PVT1: variants seen among roughly 807,000 people sequenced by gnomAD.
PVT1 encodes the protein Pvt1 oncogene, also known as CXCR4/PVT1 fusion.
At chr8:127,983,197 A>C (rs1816904808) in intron 3 of PVT1, among the ~76,000 whole-genome samples, 1 of 152,090 alleles carries the variant, frequency 6.6e-6, no homozygotes, top group African/African-American at 2.4e-5. Context: ...GATGGCTCGG[A>C]TGTGGCCTAA....
At chr8:128,014,262 G>A (rs954227860) in intron 4 of PVT1, among the ~76,000 whole-genome samples, 1 of 151,654 alleles carries the variant, frequency 6.6e-6, no homozygotes, top group East Asian at 1.9e-4. Flanking sequence ...GCTTTTCTCT[G>A]TGGATTTATC....
At chr8:127,930,122 T>TA (rs1404909261) in intron 3 of PVT1, among the ~76,000 whole-genome samples, 1 of 151,970 alleles carries the variant, frequency 6.6e-6, no homozygotes, top group Non-Finnish European at 1.5e-5. Context: ...TAACAATAAT[T>TA]AAAAAAAACC....
At chr8:127,981,327 A>C (rs1028032407) in intron 3 of PVT1, among the ~76,000 whole-genome samples, 1 of 152,198 alleles carries the variant, frequency 6.6e-6, no homozygotes, top group Non-Finnish European at 1.5e-5. Flanking sequence ...GGTGCAGGGC[A>C]TGTGACCATG....
intron 4 of PVT1, among the ~76,000 whole-genome samples, chr8:128,054,825 GTT>G (rs1039900613): frequency 1.1e-4 from 17 of 152,222 alleles, no homozygotes; most frequent in African/African-American, 4.1e-4. Flanking sequence ...ACCTTGGGTA[GTT>G]ACCCAGGTTT....
chr8:127,944,779 T>G (rs1816399427), intron 3 of PVT1, among the ~76,000 whole-genome samples: 1 of 152,088 alleles, frequency 6.6e-6, no homozygotes, highest in African/African-American at 2.4e-5. Context: ...TAAGACCAAT[T>G]TGGTAACTTG....
chr8:127,928,556 C>T (rs562793396), intron 3 of PVT1, among the ~76,000 whole-genome samples: 6 of 152,298 alleles, frequency 3.9e-5, no homozygotes, highest in Non-Finnish European at 7.3e-5. Context: ...AAATTGGGAC[C>T]TAAGCTCGAT....
At chr8:127,995,223 G>C (rs1321251587) in intron 4 of PVT1, among the ~76,000 whole-genome samples, 2 of 152,170 alleles carry the variant, frequency 1.3e-5, no homozygotes, top group Non-Finnish European at 2.9e-5. Context: ...CCTGAATCAA[G>C]TGACTGTAAG....
At chr8:127,904,620 A>G (rs113213308) in intron 3 of PVT1, among the ~76,000 whole-genome samples, 3 of 152,264 alleles carry the variant, frequency 2.0e-5, no homozygotes, top group African/African-American at 7.2e-5. Context: ...GCCCTCCGTT[A>G]GGGGGATGGC....
At chr8:128,002,148 T>A (rs1309903992) in intron 4 of PVT1, among the ~76,000 whole-genome samples, 1 of 152,180 alleles carries the variant, frequency 6.6e-6, no homozygotes, top group Non-Finnish European at 1.5e-5. Flanking sequence ...TCCTCAGGAA[T>A]CCTTGCTGAT....
chr8:127,954,406 G>A (rs564290745), intron 3 of PVT1, among the ~76,000 whole-genome samples: 4 of 148,914 alleles, frequency 2.7e-5, no homozygotes, highest in South Asian at 4.2e-4. Flanking sequence ...GCGATTTTCC[G>A]GCCTCAGCCT....
intron 5 of PVT1, among the ~76,000 whole-genome samples, chr8:128,084,575 G>A (rs1438581761): frequency 2.6e-5 from 4 of 152,158 alleles, no homozygotes; most frequent in African/African-American, 4.8e-5. Context: ...ATGAGGTATC[G>A]TTTTGTTCAT....
At chr8:128,046,712 T>A (rs1813618062) in intron 4 of PVT1, among the ~76,000 whole-genome samples, 1 of 152,254 alleles carries the variant, frequency 6.6e-6, no homozygotes, top group African/African-American at 2.4e-5. Context: ...CACACTGCTC[T>A]GTGAGTACCA....
chr8:127,930,239 C>G (rs868051375), intron 3 of PVT1, among the ~76,000 whole-genome samples: 3 of 152,276 alleles, frequency 2.0e-5, no homozygotes, highest in Middle Eastern at 3.4e-3. Flanking sequence ...TCACTACAAC[C>G]CTCAACTCCT....
chr8:127,876,634 G>T (rs183168692), intron 2 of PVT1, among the ~76,000 whole-genome samples: 13 of 152,106 alleles, frequency 8.5e-5, no homozygotes, highest in Non-Finnish European at 1.6e-4. Flanking sequence ...GGCCCCTCCA[G>T]TTCTGAAGGG....
chr8:127,894,985 A>G (rs141840828), intron 3 of PVT1, among the ~76,000 whole-genome samples: 10 of 152,384 alleles, frequency 6.6e-5, no homozygotes, highest in African/African-American at 2.4e-4. Flanking sequence ...TTACAATCCT[A>G]TAATTTGGCT....
rs535400530 is a variant in PVT1, at chr8:128,017,905, T to G, written n.912+28614T>G. ...AGCTGTAGGTCACATTCAGCTCCTG[T>G]GTTCACCAGGATCAGATGGAATGCC... On this transcript the variant is annotated intron_variant and non_coding_transcript_variant, in intron 4 of 10. Transcript: ENST00000651587. Among the ~76,000 whole-genome samples, 13 of 152,344 alleles carry G rather than the reference T, an allele frequency of 8.5e-5. No individual in the cohort carries two copies. In the South Asian group the frequency reaches 1.2e-3, roughly 15 times the overall value.
chr8:127,897,888 AAAGAAAGAAAG>A (rs898024079), intron 3 of PVT1, among the ~76,000 whole-genome samples: 6 of 150,618 alleles, frequency 4.0e-5, no homozygotes, highest in African/African-American at 1.2e-4. Flanking sequence ...AGAAAGAAAG[AAAGAAAGAAAG>A]AAAAAAAGAC....
chr8:127,822,908 A>G (rs1370221780), intron 2 of PVT1, among the ~76,000 whole-genome samples: 2 of 152,186 alleles, frequency 1.3e-5, no homozygotes, highest in Non-Finnish European at 2.9e-5. Context: ...TAACCCATGG[A>G]GAGCCAAGAA....
Position 127,957,954 on chromosome 8 carries a change from G to C in PVT1, n.783-31208G>C, listed in dbSNP as rs558980414. Reference sequence around the variant, plus strand: ...GGGGACAGACATGTTCTCAGATCTTGGCCATGGTTTCTAATTCCCTGGCAC... The same window carrying C: ...GGGGACAGACATGTTCTCAGATCTTCGCCATGGTTTCTAATTCCCTGGCAC... On this transcript the variant is annotated intron_variant and non_coding_transcript_variant, in intron 3 of 10. Transcript: ENST00000651587. 2.0e-5 allele frequency among the ~76,000 whole-genome samples: 3 copies of C among 152,350 alleles called. No individual in the cohort carries two copies. The East Asian group carries it at 5.8e-4, about 29-fold the overall frequency.
Sources: allele counts gnomAD v4.1 joint callset (sites outside exome capture counted in the v4.1 genomes callset), GRCh38; gene constraint gnomAD v4.1.1; transcripts MANE v1.5; gene names NCBI Gene and HGNC (gene_info 2026-07-23, HGNC 2026-07-21).